The following XKR5 variants were observed in gnomAD, a reference collection of about 807,000 sequenced individuals.
XKR5 encodes the protein XK related 5.
XKR5 carries 46 observed loss-of-function variants against 40.8 expected under a neutral mutation model. The observed-to-expected ratio is 1.13, with a 90% CI of 0.89 to 1.44. The LOEUF (loss-of-function observed/expected upper bound fraction) is 1.44, where lower values mean the gene tolerates loss of function less well. Among genes scored for constraint, XKR5 ranks in the 40% most tolerant of loss-of-function variants. XKR5 has a pLI of 0.00. For synonymous variants in XKR5, 466 were observed against 356.1 expected, an observed-to-expected ratio of 1.31 and a Z score of -3.48; for missense variants, 1,169 against 844.7, an observed-to-expected ratio of 1.38 and a Z score of -4.76.
intron 5 of XKR5, among the ~76,000 whole-genome samples, chr8:6,816,296 T>G (rs1311155440): frequency 1.3e-5 from 2 of 152,178 alleles, no homozygotes; most frequent in East Asian, 3.8e-4. Flanking sequence ...AGTGTTAAAA[T>G]GAAAGATAGC....
rs1367762011 is a variant in XKR5 at position 6,821,985 on chromosome 8, TG to T, written c.690del (p.Ile231SerfsTer67). On this transcript the variant is annotated frameshift_variant, in exon 5 of 7. Coordinates refer to ENST00000618742, the MANE Select transcript of XKR5 (RefSeq NM_207411.5). LOFTEE classifies it high-confidence loss of function. ...AGCCTCCAGTGGCAGGTGCTGTCGA[TG>T]ATGTCACTCTGCTGGGCGACAAGCC... ...TFWLVAQQSD[I>X]IDSTCHWRLF... 1 of 1,607,228 alleles carries T rather than the reference TG, an allele frequency of 6.2e-7. No homozygotes were observed. Among genetic ancestry groups the T allele is most frequent in the Admixed American group, 1.7e-5 (1 of 58,756 alleles).
At chr8:6,833,604 A>C (rs1804868983) in intron 1 of XKR5, among the ~76,000 whole-genome samples, 1 of 152,128 alleles carries the variant, frequency 6.6e-6, no homozygotes, top group African/African-American at 2.4e-5. Context: ...AATACCAGCT[A>C]CTCGGGATGG....
intron 4 of XKR5, 64 bp downstream of exon 4, chr8:6,823,457 G>A: frequency 6.7e-7 from 1 of 1,500,496 alleles, no homozygotes; most frequent in East Asian, 2.5e-5. Flanking sequence ...TTATTCTTGA[G>A]ACCTTCATTT....
In XKR5 at chr8:6,832,730, C is replaced by A. The variant is rs775443289; in HGVS notation, c.229G>T (p.Gly77Cys). Residue 77 changes from glycine (G) to cysteine (C), a missense_variant, in exon 2 of 7, where the codon GGT becomes TGT. Transcript: ENST00000618742. ...AGCTGTTCTTACCGCTTCCAAACAC[C>A]AAGCTGTAGGAGGTGCAGCATCATC... is the stretch of plus-strand genomic sequence containing the variant. ...SLMMLHLLQL[G>C]VWKRHWDAAL... 2.1e-5 allele frequency: 34 copies of A among 1,613,030 alleles called. No individual in the cohort carries two copies. Among genetic ancestry groups the A allele is most frequent in the Non-Finnish European group, 2.8e-5 (33 of 1,179,538 alleles).
At chr8:6,830,672 T>C (rs769057542) in intron 2 of XKR5, among the ~76,000 whole-genome samples, 30 of 152,134 alleles carry the variant, frequency 2.0e-4, no homozygotes, top group Admixed American at 1.5e-3. Context: ...AAAGTCATCT[T>C]AACTTCTTTT....
chr8:6,814,538 G>A (rs1803874972), intron 6 of XKR5, among the ~76,000 whole-genome samples: 1 of 152,200 alleles, frequency 6.6e-6, no homozygotes, highest in Non-Finnish European at 1.5e-5. Context: ...GGTTCTCCCT[G>A]CACCTCGACG....
In XKR5 at chr8:6,832,852, C is replaced by G. The variant is rs778406795; in HGVS notation, c.107G>C (p.Gly36Ala). The change falls in exon 2 of 7, where the codon GGG becomes GCG. Residue 36 changes from glycine to alanine, a missense_variant. Physicochemically the swap from Gly to Ala is moderately conservative, Grantham distance 60. Transcript: ENST00000618742. Reference sequence around the variant, plus strand: ...CAGGAGGACAGCAAGGGCCAGCCACCCCCACAGAAGCCGTCCTGTGGTGAA... The same window carrying G: ...CAGGAGGACAGCAAGGGCCAGCCACGCCCACAGAAGCCGTCCTGTGGTGAA... ...YYFTTGRLLW[G>A]WLALAVLLPG... The G allele has an allele frequency of 1.6e-5, 26 of 1,610,606 alleles. No individual in the cohort carries two copies. Among genetic ancestry groups the G allele is most frequent in the Non-Finnish European group, 2.2e-5 (26 of 1,178,734 alleles).
At chr8:6,819,097 G>T (rs187082001) in intron 5 of XKR5, among the ~76,000 whole-genome samples, 2 of 152,332 alleles carry the variant, frequency 1.3e-5, no homozygotes, top group African/African-American at 4.8e-5. Flanking sequence ...GGATGTGGGG[G>T]TGGTACACTC....
chr8:6,816,048 A>C (rs1803944678), intron 5 of XKR5, 130 bp from the exon 6 acceptor site: 1 of 638,372 alleles, frequency 1.6e-6, no homozygotes, highest in African/African-American at 1.8e-5. Flanking sequence ...CAGGCTGCTG[A>C]GGAGTACCCA....
chr8:6,826,274 A>T (rs138982423), intron 2 of XKR5, among the ~76,000 whole-genome samples: 57 of 152,162 alleles, frequency 3.7e-4, no homozygotes, highest in African/African-American at 1.3e-3. Flanking sequence ...GCATGAAGGT[A>T]TATGTGTGTA....
chr8:6,821,801 A>C (rs1215004690), intron 5 of XKR5, 68 bp downstream of exon 5: 1 of 1,438,474 alleles, frequency 7.0e-7, no homozygotes, highest in East Asian at 2.4e-5. Context: ...CACCCCCCAC[A>C]CACACCCACA....
At chr8:6,818,786 T>G (rs1347573152) in intron 5 of XKR5, among the ~76,000 whole-genome samples, 1 of 152,218 alleles carries the variant, frequency 6.6e-6, no homozygotes, top group Non-Finnish European at 1.5e-5. Flanking sequence ...CCAGCTGCAC[T>G]GGAGGCCCCC....
At position 6,811,207 on chromosome 8, in the gene XKR5, A is replaced by G; in HGVS notation, c.2052T>C (p.Phe684=). The part of the protein sequence containing the change: ...CREQMKQEPS[F]FI Reference sequence around the variant, plus strand: ...CCCACCATGACTGTGGTCAGATGAAAAAACTCGGCTCTTGCTTCATCTGTT... The same window carrying G: ...CCCACCATGACTGTGGTCAGATGAAGAAACTCGGCTCTTGCTTCATCTGTT... The change falls in exon 7 of 7, where the codon TTT becomes TTC. Residue 684 remains phenylalanine, a synonymous_variant. Coordinates refer to ENST00000618742, the MANE Select transcript of XKR5 (RefSeq NM_207411.5). 1 of 1,534,770 alleles carries G rather than the reference A, an allele frequency of 6.5e-7. No individual in the cohort carries two copies.
chr8:6,813,274 G>C (rs570786524), intron 6 of XKR5, among the ~76,000 whole-genome samples: 4 of 152,332 alleles, frequency 2.6e-5, no homozygotes, highest in African/African-American at 7.2e-5. Flanking sequence ...CTCTGCAGTA[G>C]GTCCTGCTCA....
In XKR5 at chr8:6,811,276, G is replaced by T; in HGVS notation, c.1983C>A (p.Ser661=). 1 of 1,537,308 alleles carries T rather than the reference G, an allele frequency of 6.5e-7. No homozygotes were observed. Among genetic ancestry groups the T allele is most frequent in the Non-Finnish European group, 8.7e-7 (1 of 1,146,932 alleles). ...TTTGGATAGACTCAGACTTAGGGGTGGACGTGAGGCAGGGCTCATGGGCAG... is the reference window on the plus strand; with the variant it reads ...TTTGGATAGACTCAGACTTAGGGGTTGACGTGAGGCAGGGCTCATGGGCAG... The part of the protein sequence containing the change: ...LRTAHEPCLT[S]TPKSESIQTD... The change falls in exon 7 of 7, where the codon TCC becomes TCA. Residue 661 remains serine, a synonymous_variant. Transcript: ENST00000618742.
rs946569279 is a variant in XKR5 at position 6,811,403 on chromosome 8, C to T, written c.1856G>A (p.Arg619Lys). Residue 619 changes from arginine (R) to lysine (K), a missense_variant, in exon 7 of 7, where the codon AGA becomes AAA. Transcript: ENST00000618742. ...GFCPSAGFPGRTLSISELEEP... is the reference protein window; with the variant it reads ...GFCPSAGFPGKTLSISELEEP... ...CTCTAGCTCTGAGATACTGAGGGTT[C>T]TTCCAGGGAAGCCTGCACTGGGGCA... 5 of 1,537,134 alleles carry T rather than the reference C, an allele frequency of 3.3e-6. No homozygotes were observed. Among genetic ancestry groups the T allele is most frequent in the Non-Finnish European group, 3.5e-6 (4 of 1,146,906 alleles).
intron 2 of XKR5, 29 bp from the exon 3 acceptor site, chr8:6,825,378 G>A (rs773737285): frequency 4.7e-5 from 70 of 1,492,444 alleles, no homozygotes; most frequent in Admixed American, 3.3e-4. Context: ...CACGTGACAC[G>A]GAGCCAGGCT....
In XKR5 at chr8:6,821,927, A is replaced by T. The variant is rs1397409880; in HGVS notation, c.749T>A (p.Leu250His). Residue 250 changes from leucine (L) to histidine (H), a missense_variant, in exon 5 of 7, where the codon CTC (leucine) becomes CAC (histidine). Transcript: ENST00000618742. ...FNLLVGAVYI[L>H]CYLSFWDSPS... ...GCTGTCCCAGAAGCTGAGGTAGCAG[A>T]GGATGTACACGGCCCCCACGAGCAG... 6.2e-7 allele frequency: 1 copy of T among 1,613,400 alleles called. No homozygotes were observed. Among genetic ancestry groups the T allele is most frequent in the Non-Finnish European group, 8.5e-7 (1 of 1,179,648 alleles).
chr8:6,835,337 G>T, intron 1 of XKR5, 99 bp downstream of exon 1: 1 of 1,221,294 alleles, frequency 8.2e-7, no homozygotes. Context: ...GCAGGCTGGG[G>T]CAGTGCCCGC....
Sources: gnomAD v4.1 joint callset for allele counts (sites outside exome capture counted in the v4.1 genomes callset) on GRCh38, gnomAD v4.1.1 for gene constraint, MANE v1.5 for transcripts, NCBI Gene and HGNC (gene_info 2026-07-23, HGNC 2026-07-21) for gene names.